Variants in TESMIN observed in about 807,000 individuals in gnomAD.
The protein encoded by TESMIN is testis expressed metallothionein like protein, also known as CXC domain containing 2.
TESMIN carries 34 observed loss-of-function variants against 47.4 expected under a neutral mutation model. The observed-to-expected ratio is 0.72, with a 90% confidence interval of 0.55 to 0.96. The LOEUF (loss-of-function observed/expected upper bound fraction) is 0.96, where lower values mean the gene tolerates loss of function less well. TESMIN is among the 40% of genes least tolerant of loss of function. TESMIN has a pLI of 0.00. For synonymous variants in TESMIN, 278 were observed against 258.9 expected, an observed-to-expected ratio of 1.07 and a Z score of -0.71; for missense variants, 610 against 637.2, an observed-to-expected ratio of 0.96 and a Z score of 0.46.
At chr11:68,710,786 T>C in intron 9 of TESMIN, 88 bp downstream of exon 9, 1 of 1,305,890 alleles carries the variant, frequency 7.7e-7, no homozygotes, top group African/African-American at 1.5e-5. Context: ...GGCTCACACA[T>C]TCTTTCCAGT....
intron 7 of TESMIN, among the ~76,000 whole-genome samples, chr11:68,714,555 C>T (rs1946112047): frequency 1.3e-5 from 2 of 152,250 alleles, no homozygotes; most frequent in South Asian, 2.1e-4. Context: ...CTTGTACTCC[C>T]GTGTCGGCTG....
At chr11:68,723,650 T>TA (rs1224537717) in intron 6 of TESMIN, among the ~76,000 whole-genome samples, 1 of 151,786 alleles carries the variant, frequency 6.6e-6, no homozygotes, top group Non-Finnish European at 1.5e-5. Context: ...GCTGACAAAA[T>TA]AGACAACCTC....
chr11:68,730,184 C>A (rs1313785196), intron 6 of TESMIN, among the ~76,000 whole-genome samples: 2 of 152,168 alleles, frequency 1.3e-5, no homozygotes, highest in Non-Finnish European at 2.9e-5. Flanking sequence ...TGTACTACAG[C>A]ATGTTTATAG....
intron 6 of TESMIN, among the ~76,000 whole-genome samples, chr11:68,728,578 G>A (rs1946291832): frequency 6.6e-6 from 1 of 152,266 alleles, no homozygotes; most frequent in African/African-American, 2.4e-5. Flanking sequence ...GGTTTTCAGT[G>A]TAGATGAAGC....
intron 7 of TESMIN, among the ~76,000 whole-genome samples, chr11:68,715,515 C>T (rs1946126107): frequency 6.6e-6 from 1 of 152,224 alleles, no homozygotes; most frequent in Non-Finnish European, 1.5e-5. Context: ...TGCTTATCTG[C>T]TATGTAAGAT....
intron 2 of TESMIN, among the ~76,000 whole-genome samples, chr11:68,749,921 C>T (rs1946568274): frequency 6.6e-6 from 1 of 152,038 alleles, no homozygotes; most frequent in South Asian, 2.1e-4. Flanking sequence ...TTTTGTTGTC[C>T]GCCGTCTGCA....
At chr11:68,721,928 T>C (rs1594289686) in intron 6 of TESMIN, among the ~76,000 whole-genome samples, 1 of 152,210 alleles carries the variant, frequency 6.6e-6, no homozygotes, top group Non-Finnish European at 1.5e-5. Context: ...GATACGGCAG[T>C]TCCTCAGAAA....
At chr11:68,714,908 T>G (rs1481454823) in intron 7 of TESMIN, among the ~76,000 whole-genome samples, 1 of 152,232 alleles carries the variant, frequency 6.6e-6, no homozygotes, top group Non-Finnish European at 1.5e-5. Context: ...CCCTTTTTGT[T>G]TTTACAGTTT....
chr11:68,742,374 C>T lies in TESMIN; in HGVS notation c.772G>A (p.Ala258Thr). The change falls in exon 5 of 10, where the codon GCT becomes ACT. Residue 258 changes from alanine to threonine, a missense_variant. Physicochemically the swap from Ala to Thr is moderately conservative, Grantham distance 58 (BLOSUM62 0). Transcript: ENST00000255087. Reference sequence around the variant, plus strand: ...GCTGGCAAAAATCTCCCTACTAAAGCAGTCATTGGTTTAGGGACATCTGTA... The same window carrying T: ...GCTGGCAAAAATCTCCCTACTAAAGTAGTCATTGGTTTAGGGACATCTGTA... Reference protein sequence around the residue: ...LQSDVPKPMTALVGRFLPAST... With the variant: ...LQSDVPKPMTTLVGRFLPAST... The T allele has an allele frequency of 1.2e-6, 2 of 1,600,958 alleles. No individual in the cohort carries two copies. Among genetic ancestry groups the T allele is most frequent in the Non-Finnish European group, 1.7e-6 (2 of 1,170,552 alleles).
chr11:68,745,598 A>G (rs1262120362), intron 3 of TESMIN, among the ~76,000 whole-genome samples: 1 of 152,200 alleles, frequency 6.6e-6, no homozygotes, highest in African/African-American at 2.4e-5. Context: ...TTTTACTCCA[A>G]CTGTCCTTTC....
intron 6 of TESMIN, among the ~76,000 whole-genome samples, chr11:68,724,041 C>T (rs533149835): frequency 1.7e-4 from 26 of 152,096 alleles, no homozygotes; most frequent in Non-Finnish European, 2.4e-4. Flanking sequence ...GCCTAACTAA[C>T]GCATTTTATT....
chr11:68,736,065 G>A (rs1946383582), intron 6 of TESMIN: 1 of 984,544 alleles, frequency 1.0e-6, no homozygotes, highest in Non-Finnish European at 1.2e-6. Flanking sequence ...CCTCAGAAAA[G>A]CATTCTAAAC....
At chr11:68,748,791 TA>T (rs1185945691) in intron 2 of TESMIN, among the ~76,000 whole-genome samples, 3 of 152,234 alleles carry the variant, frequency 2.0e-5, no homozygotes, top group African/African-American at 7.2e-5. Context: ...AAAATTGGAT[TA>T]AAGAGAATTT....
chr11:68,738,850 C>T, intron 5 of TESMIN, 62 bp from the exon 6 acceptor site: 2 of 1,384,004 alleles, frequency 1.4e-6, no homozygotes, highest in Non-Finnish European at 2.1e-6. Context: ...TTCCAGTCAG[C>T]CAGCCCCCTA....
chr11:68,705,206 C>T (rs1234274371), downstream of TESMIN, among the ~76,000 whole-genome samples: 1 of 152,238 alleles, frequency 6.6e-6, no homozygotes, highest in Non-Finnish European at 1.5e-5. Flanking sequence ...AGGCCTCCTC[C>T]CTGCTTCGTC....
chr11:68,736,690 A>G, intron 6 of TESMIN: 3 of 982,242 alleles, frequency 3.1e-6, no homozygotes, highest in Non-Finnish European at 3.6e-6. Flanking sequence ...ATATTTTGTA[A>G]CATTCAAAAT....
intron 2 of TESMIN, among the ~76,000 whole-genome samples, 182 bp downstream of exon 2, chr11:68,750,008 G>A (rs1470339995): frequency 3.3e-5 from 5 of 152,198 alleles, no homozygotes; most frequent in Admixed American, 6.5e-5. Context: ...GCCGATGCAT[G>A]TTGGATTAGG....
Position 68,750,548 on chromosome 11 carries a change from G to T in TESMIN, c.113C>A (p.Pro38His), listed in dbSNP as rs756223728. 3.1e-6 allele frequency: 5 copies of T among 1,606,826 alleles called. No homozygotes were observed. In the South Asian group the frequency reaches 5.6e-5, roughly 18 times the overall value. Residue 38 changes from proline to histidine, a missense_variant, in exon 2 of 10, where the codon CCC becomes CAC. By Grantham distance (77) the Pro-to-His change is moderately conservative. Transcript: ENST00000255087. ...FASENIGLKAPVKYEEDEFHV... is the reference protein window; with the variant it reads ...FASENIGLKAHVKYEEDEFHV... ...GAACTCGTCCTCCTCGTACTTCACG[G>T]GGGCCTTCAGGCCGATGTTCTCCGA...
chr11:68,735,587 T>A (rs1166318640), intron 6 of TESMIN, among the ~76,000 whole-genome samples: 4 of 152,174 alleles, frequency 2.6e-5, no homozygotes, highest in African/African-American at 9.7e-5. Context: ...AGCAGGGACA[T>A]GAGACATAGG....
Sources: allele counts gnomAD v4.1 joint callset (sites outside exome capture counted in the v4.1 genomes callset), GRCh38; gene constraint gnomAD v4.1.1; transcripts MANE v1.5; gene names NCBI Gene and HGNC (gene_info 2026-07-23, HGNC 2026-07-21).